The following LMO7 variants were observed in gnomAD, a reference collection of about 807,000 sequenced individuals.
LMO7 encodes the protein LIM domain only protein 7.
LMO7 carries 120 observed loss-of-function variants against 206.5 expected under a neutral mutation model. That is an observed-to-expected ratio of 0.58 (90% CI 0.50 to 0.68). The LOEUF is 0.68. Ranked by LOEUF, LMO7 falls within the 30% of genes least tolerant of loss-of-function variation. The pLI is 0.00. For missense variants in LMO7, 1,959 were observed against 1,957.9 expected, an observed-to-expected ratio of 1.00 and a Z score of -0.01; for synonymous variants, 706 against 681.5, an observed-to-expected ratio of 1.04 and a Z score of -0.56.
intron 1 of LMO7, among the ~76,000 whole-genome samples, chr13:75,644,036 CAGTG>C (rs2036797288): frequency 6.6e-6 from 1 of 152,086 alleles, no homozygotes; most frequent in Non-Finnish European, 1.5e-5. Flanking sequence ...TAACTGGTCA[CAGTG>C]AGACTTTTGA....
intron 1 of LMO7, among the ~76,000 whole-genome samples, chr13:75,646,807 A>T (rs1031475061): frequency 6.6e-6 from 1 of 151,586 alleles, no homozygotes; most frequent in African/African-American, 2.4e-5. Flanking sequence ...CTGGTCTCTA[A>T]CTCTCGACCT....
chr13:75,725,498 G>A (rs986212945), intron 2 of LMO7, among the ~76,000 whole-genome samples: 3 of 152,110 alleles, frequency 2.0e-5, no homozygotes, highest in Admixed American at 6.6e-5. Context: ...TGCATTGCAA[G>A]AATGCCACCA....
chr13:75,823,049 A>G (rs1381354708), intron 14 of LMO7, among the ~76,000 whole-genome samples: 1 of 151,990 alleles, frequency 6.6e-6, no homozygotes, highest in Non-Finnish European at 1.5e-5. Flanking sequence ...TTAGAGTTCT[A>G]TCTGTTGACC....
chr13:75,677,873 A>G (rs1594223106), intron 1 of LMO7, among the ~76,000 whole-genome samples: 1 of 137,122 alleles, frequency 7.3e-6, no homozygotes, highest in African/African-American at 2.8e-5. Flanking sequence ...ATTCCCACCT[A>G]TGAGTGAGAA....
intron 3 of LMO7, among the ~76,000 whole-genome samples, chr13:75,740,742 G>A (rs147117747): frequency 3.1e-4 from 47 of 152,272 alleles, no homozygotes; most frequent in Non-Finnish European, 5.4e-4. Context: ...GTACTGGGCT[G>A]ATTCTGGCTG....
chr13:75,628,636 G>T (rs1383971058), intron 2 of LMO7: 1 of 152,050 alleles, frequency 6.6e-6, no homozygotes, highest in Admixed American at 6.6e-5. Flanking sequence ...TCCATATATT[G>T]GTTATTTCTG....
At chr13:75,715,236 C>A (rs1449076861) in intron 2 of LMO7, among the ~76,000 whole-genome samples, 1 of 152,128 alleles carries the variant, frequency 6.6e-6, no homozygotes, top group Non-Finnish European at 1.5e-5. Flanking sequence ...CTATACCCAG[C>A]CTGAAAAGAT....
intron 4 of LMO7, among the ~76,000 whole-genome samples, chr13:75,786,632 G>T (rs1034916706): frequency 6.6e-6 from 1 of 151,826 alleles, no homozygotes; most frequent in East Asian, 1.9e-4. Flanking sequence ...TGATCTGCCC[G>T]CCTCGGCCTC....
At chr13:75,733,078 G>T (rs1208043058) in intron 3 of LMO7, among the ~76,000 whole-genome samples, 1 of 152,214 alleles carries the variant, frequency 6.6e-6, no homozygotes, top group East Asian at 1.9e-4. Flanking sequence ...TCAGGGGTCA[G>T]GGACCCACTT....
At chr13:75,634,421 G>C (rs1291107305), upstream of LMO7, among the ~76,000 whole-genome samples, 2 of 146,674 alleles carry the variant, frequency 1.4e-5, no homozygotes, top group African/African-American at 5.0e-5. Context: ...CTAGGCAACA[G>C]AGCTGTCTCT....
In LMO7 at chr13:75,842,888, G is replaced by T. The variant is rs1218761527; in HGVS notation, c.4069G>T (p.Ala1357Ser). 6.2e-7 allele frequency: 1 copy of T among 1,607,878 alleles called. No homozygotes were observed. Among genetic ancestry groups the T allele is most frequent in the Admixed American group, 1.7e-5 (1 of 60,014 alleles). ...CTATGATATACCAAAGACAGAAGAA[G>T]CATCTTCAGGTTTTCTTCCTGGTGA... ...DSYDIPKTEE[A>S]SSGFLPGDRN... The change falls in exon 25 of 31, where the codon GCA (alanine) becomes TCA (serine). Residue 1357 changes from alanine to serine, a missense_variant. Transcript: ENST00000377534.
intron 1 of LMO7, among the ~76,000 whole-genome samples, chr13:75,691,930 A>T (rs1003224373): frequency 2.6e-5 from 4 of 151,868 alleles, no homozygotes; most frequent in Admixed American, 1.3e-4. Context: ...CTAACTTCCC[A>T]ATTCCATGAC....
At position 75,800,422 on chromosome 13, in the gene LMO7, A is replaced by G. The variant is rs1291665590; in HGVS notation, c.463-262A>G. Among the ~76,000 whole-genome samples, 55 of 152,244 alleles carry G rather than the reference A, an allele frequency of 3.6e-4. 1 individual carries two copies. The highest frequency in any genetic ancestry group is 3.6e-3 in the Admixed American group (55 of 15,288). On this transcript the variant is annotated intron_variant, in intron 6 of 30. Coordinates refer to ENST00000377534, the MANE Select transcript of LMO7 (RefSeq NM_001306080.2). ...TATTTTTAAATAGAACATATGTACT[A>G]GTTTATTAAATAATATTGAATATCT...
At chr13:75,652,282 C>T (rs2037648203) in intron 1 of LMO7, among the ~76,000 whole-genome samples, 1 of 152,136 alleles carries the variant, frequency 6.6e-6, no homozygotes, top group African/African-American at 2.4e-5. Flanking sequence ...CAACCAATCT[C>T]TATATCTAGC....
chr13:75,756,399 A>G (rs889128065), intron 3 of LMO7, among the ~76,000 whole-genome samples: 3 of 152,194 alleles, frequency 2.0e-5, no homozygotes, highest in African/African-American at 7.2e-5. Context: ...CTCAATTGCT[A>G]TGGGTAGGGT....
chr13:75,685,117 A>G (rs2040863712), intron 1 of LMO7, among the ~76,000 whole-genome samples: 1 of 152,180 alleles, frequency 6.6e-6, no homozygotes, highest in Non-Finnish European at 1.5e-5. Flanking sequence ...TTTATCATCT[A>G]GGTGATTTTC....
chr13:75,684,961 C>A (rs1238118438), intron 1 of LMO7, among the ~76,000 whole-genome samples: 2 of 152,036 alleles, frequency 1.3e-5, no homozygotes, highest in Non-Finnish European at 2.9e-5. Context: ...TTGTAGCGGC[C>A]CCTTTAAGGT....
At chr13:75,768,637 A>G (rs2049219746) in intron 4 of LMO7, among the ~76,000 whole-genome samples, 1 of 152,008 alleles carries the variant, frequency 6.6e-6, no homozygotes, top group African/African-American at 2.4e-5. Context: ...ATTGTTTGTG[A>G]GTTTATTTTT....
chr13:75,813,124 C>T (rs1239911368), intron 11 of LMO7, among the ~76,000 whole-genome samples: 9 of 152,202 alleles, frequency 5.9e-5, no homozygotes, highest in Admixed American at 5.9e-4. Flanking sequence ...TGCTGGCACA[C>T]AGTAAGCACT....
Sources: gnomAD v4.1 joint callset for allele counts (sites outside exome capture counted in the v4.1 genomes callset) on GRCh38, gnomAD v4.1.1 for gene constraint, MANE v1.5 for transcripts, NCBI Gene and HGNC (gene_info 2026-07-23, HGNC 2026-07-21) for gene names.